Variants in ARID1B observed in about 807,000 individuals in gnomAD.
ARID1B encodes AT-rich interactive domain-containing protein 1B.
ARID1B carries 30 observed loss-of-function variants against 212.3 expected under a neutral mutation model. The observed-to-expected ratio is 0.14, with a 90% confidence interval of 0.11 to 0.19. The LOEUF (loss-of-function observed/expected upper bound fraction) is 0.19, where lower values mean the gene tolerates loss of function less well. Among genes scored for constraint, ARID1B ranks in the 10% least tolerant of loss-of-function variants. The probability of loss-of-function intolerance (pLI) is 1.00; values close to 1 mark genes in which losing one functional copy is unlikely to be tolerated. For synonymous variants in ARID1B, 1,402 were observed against 1,301.7 expected (o/e 1.08, Z -1.66); for missense variants, 2,891 against 3,204.0 (o/e 0.90, Z 2.36).
chr6:157,040,935 A>C (rs1781842416), intron 4 of ARID1B, among the ~76,000 whole-genome samples: 1 of 152,170 alleles, frequency 6.6e-6, no homozygotes, highest in South Asian at 2.1e-4. Flanking sequence ...AATTTAAGTA[A>C]CTTTTATTTT....
At chr6:157,120,316 G>A (rs571329987) in intron 6 of ARID1B, among the ~76,000 whole-genome samples, 105 of 152,266 alleles carry the variant, frequency 6.9e-4, no homozygotes, top group African/African-American at 2.0e-3. Flanking sequence ...AGTCAGTAGC[G>A]GAAAGGAGTT....
intron 4 of ARID1B, among the ~76,000 whole-genome samples, chr6:157,049,627 G>A (rs186069732): frequency 4.3e-4 from 66 of 152,006 alleles, no homozygotes; most frequent in African/African-American, 1.5e-3. Context: ...AAATTTTTTT[G>A]TATCTCATTG....
intron 4 of ARID1B, among the ~76,000 whole-genome samples, chr6:156,951,873 G>A (rs902254933): frequency 2.0e-5 from 3 of 152,086 alleles, no homozygotes; most frequent in African/African-American, 4.8e-5. Flanking sequence ...TTTTAATATA[G>A]TGCTAAAAAA....
chr6:156,801,747 A>G (rs1294049671), intron 1 of ARID1B, among the ~76,000 whole-genome samples: 2 of 151,948 alleles, frequency 1.3e-5, no homozygotes, highest in African/African-American at 4.8e-5. Context: ...AGGCTGTTTT[A>G]CTTCACTTTG....
At chr6:156,887,219 C>T (rs1022429436) in intron 2 of ARID1B, among the ~76,000 whole-genome samples, 3 of 152,184 alleles carry the variant, frequency 2.0e-5, no homozygotes, top group African/African-American at 7.2e-5. Context: ...CAGTGTGCAG[C>T]CTCCTCTCGG....
At chr6:157,158,076 G>T (rs1283193670) in intron 8 of ARID1B, among the ~76,000 whole-genome samples, 4 of 152,204 alleles carry the variant, frequency 2.6e-5, no homozygotes, top group Non-Finnish European at 1.5e-5. Context: ...CTGTAAGATT[G>T]TGGCCCTTGT....
At chr6:157,150,408 T>G (rs922847267) in intron 8 of ARID1B, 1 of 152,314 alleles carries the variant, frequency 6.6e-6, no homozygotes, top group Admixed American at 6.5e-5. Flanking sequence ...TTCAACTTAC[T>G]GCCCATTTTA....
chr6:156,800,910 A>T (rs1456192728), intron 1 of ARID1B, among the ~76,000 whole-genome samples: 2 of 152,118 alleles, frequency 1.3e-5, no homozygotes, highest in African/African-American at 2.4e-5. Flanking sequence ...AAAAAAATTA[A>T]TTAAATGAAA....
rs529520748 is a variant in ARID1B at position 156,810,255 on chromosome 6, T to C, written c.1792-18972T>C. On this transcript the variant is annotated intron_variant, in intron 1 of 19. Transcript: ENST00000636930. ...TTGAGTTAGAATTTAGGGTGACCTC[T>C]CAAGAATATTTTGTCATACTGATTC... Among the ~76,000 whole-genome samples, 3 of 152,342 alleles carry C rather than the reference T, an allele frequency of 2.0e-5. No individual in the cohort carries two copies. In the South Asian group the frequency reaches 6.2e-4, roughly 32 times the overall value.
chr6:156,800,552 G>A (rs370710669), intron 1 of ARID1B, among the ~76,000 whole-genome samples: 11 of 152,128 alleles, frequency 7.2e-5, no homozygotes, highest in South Asian at 2.1e-4. Context: ...TTGTACCACC[G>A]CACTTCAACC....
chr6:157,110,332 C>G lies in ARID1B; in HGVS notation c.2492-140C>G, dbSNP rs892588148. 43 of 684,550 alleles carry G rather than the reference C, an allele frequency of 6.3e-5. No individual in the cohort carries two copies. In the African/African-American group the frequency reaches 7.1e-4, roughly 11 times the overall value. 42.4% of individuals were successfully genotyped at this position (684,550 alleles called of 1,614,324 possible). A position where few individuals can be genotyped will look rare whatever the true frequency, so the allele number is the denominator to read the frequency against. ...CCCAGGGAAAAGATGAACTATTACA[C>G]TCTGAGCTATGTCTTTTTTTAATGG... On this transcript the variant is annotated intron_variant, in intron 5 of 19. Transcript: ENST00000636930.
intron 3 of ARID1B, among the ~76,000 whole-genome samples, chr6:156,910,896 T>C (rs968010178): frequency 1.3e-5 from 2 of 152,190 alleles, no homozygotes; most frequent in Non-Finnish European, 2.9e-5. Context: ...TTAGGTAATA[T>C]GAGCTCTCCC....
chr6:156,871,631 A>G (rs754892486), intron 2 of ARID1B: 4 of 1,612,766 alleles, frequency 2.5e-6, no homozygotes, highest in Non-Finnish European at 3.4e-6. Context: ...GAGATGCCAC[A>G]TGGAAAGAAA....
chr6:156,781,102 A>C (rs1779232467), intron 1 of ARID1B, among the ~76,000 whole-genome samples: 1 of 152,204 alleles, frequency 6.6e-6, no homozygotes, highest in Non-Finnish European at 1.5e-5. Flanking sequence ...GACTGTTCAA[A>C]GATATTTGTG....
Position 157,203,799 on chromosome 6 carries a change from C to G in ARID1B, c.5264-67C>G. The G allele has an allele frequency of 3.2e-6, 5 of 1,567,860 alleles. No homozygotes were observed. Among genetic ancestry groups the G allele is most frequent in the Non-Finnish European group, 4.4e-6 (5 of 1,143,714 alleles). ...CTCCACTTATTTTTTCTTACTCTTTCGTTAACTTTCGTTCTTTCATGCATA... is the reference window on the plus strand; with the variant it reads ...CTCCACTTATTTTTTCTTACTCTTTGGTTAACTTTCGTTCTTTCATGCATA... On this transcript the variant is annotated intron_variant, in intron 18 of 19. Transcript: ENST00000636930. This position sits in a 1 kb window ranked among gnomAD's most constrained non-coding sequence, Gnocchi z 4.4.
At position 157,184,336 on chromosome 6, in the gene ARID1B, G is replaced by A. The variant is rs1456554948; in HGVS notation, c.3820G>A (p.Ala1274Thr). ...AAAGCAGTATATTCAGTACCTGTTT[G>A]CCTTTGAGTGCAAGATCGAACGTGG... ...LKKQYIQYLF[A>T]FECKIERGEE... The change falls in exon 13 of 20, where the codon GCC becomes ACC. Residue 1274 changes from alanine to threonine, a missense_variant. Around this residue, in one of 7 missense-constraint regions of ARID1B, gnomAD observed 666 missense variants for 873.5 expected, o/e 0.76. Coordinates refer to ENST00000636930, the MANE Select transcript of ARID1B (RefSeq NM_001374828.1). 6.2e-7 allele frequency: 1 copy of A among 1,614,214 alleles called. No homozygotes were observed. Among genetic ancestry groups the A allele is most frequent in the Non-Finnish European group, 8.5e-7 (1 of 1,180,036 alleles).
chr6:157,132,031 T>C (rs2128581983), intron 6 of ARID1B, among the ~76,000 whole-genome samples: 1 of 152,286 alleles, frequency 6.6e-6, no homozygotes, highest in Middle Eastern at 3.4e-3. Context: ...TGCTCTCATT[T>C]CCTTTTATAT....
At chr6:156,876,623 C>T (rs1170221118) in intron 2 of ARID1B, among the ~76,000 whole-genome samples, 1 of 152,170 alleles carries the variant, frequency 6.6e-6, no homozygotes, top group Non-Finnish European at 1.5e-5. Flanking sequence ...GGTGTTTTTC[C>T]CTCACTACCC....
At chr6:156,960,097 A>G (rs1301123442) in intron 4 of ARID1B, among the ~76,000 whole-genome samples, 1 of 151,728 alleles carries the variant, frequency 6.6e-6, no homozygotes, top group Non-Finnish European at 1.5e-5. Flanking sequence ...TGCCCAGCTA[A>G]TTTTTGTATT....
Sources: gnomAD v4.1 joint callset for allele counts (sites outside exome capture counted in the v4.1 genomes callset) on GRCh38, gnomAD v4.1.1 for gene constraint, gnomAD v4.1.1 regional missense constraint, Gnocchi (gnomAD v3.1) non-coding constraint, MANE v1.5 for transcripts, NCBI Gene and HGNC (gene_info 2026-07-23, HGNC 2026-07-21) for gene names.